Variants in DYM observed in about 807,000 individuals in gnomAD.
The protein encoded by DYM is dymeclin.
Under a neutral mutation model 93.1 loss-of-function variants are expected in DYM, and 78 were observed. The observed-to-expected ratio is 0.84, with a 90% CI of 0.70 to 1.01. The LOEUF (loss-of-function observed/expected upper bound fraction) is 1.01. Ranked by LOEUF, DYM falls within the 50% of genes least tolerant of loss-of-function variation. The pLI is 0.00. For synonymous variants in DYM, 321 were observed against 319.7 expected, an observed-to-expected ratio of 1.00 and a Z score of -0.04; for missense variants, 789 against 845.0, an observed-to-expected ratio of 0.93 and a Z score of 0.82.
At chr18:49,109,685 G>A (rs2081209292) in intron 16 of DYM, among the ~76,000 whole-genome samples, 1 of 152,182 alleles carries the variant, frequency 6.6e-6, no homozygotes, top group Non-Finnish European at 1.5e-5. Context: ...ATGTGACAAG[G>A]GTCAGACAAC....
chr18:49,419,515 T>C (rs143450798), intron 2 of DYM, among the ~76,000 whole-genome samples: 1 of 152,190 alleles, frequency 6.6e-6, no homozygotes, highest in Non-Finnish European at 1.5e-5. Flanking sequence ...TTTTAAGAAG[T>C]TCATCTTTTT....
intron 15 of DYM, among the ~76,000 whole-genome samples, chr18:49,125,234 G>C (rs554784349): frequency 6.6e-6 from 1 of 152,188 alleles, no homozygotes; most frequent in Non-Finnish European, 1.5e-5. Flanking sequence ...ACTCCAGCCT[G>C]GGTGACAGAG....
At chr18:49,197,456 C>G (rs531767661) in intron 14 of DYM, among the ~76,000 whole-genome samples, 1 of 151,856 alleles carries the variant, frequency 6.6e-6, no homozygotes, top group East Asian at 1.9e-4. Flanking sequence ...GTAAAGAAGG[C>G]GGTGAAGTTT....
chr18:49,065,770 T>G (rs1308442429), intron 17 of DYM, among the ~76,000 whole-genome samples: 1 of 152,140 alleles, frequency 6.6e-6, no homozygotes, highest in East Asian at 1.9e-4. Context: ...AGTTCCACAA[T>G]CCAAACATAT....
chr18:49,155,700 A>T (rs1469077374), intron 15 of DYM, among the ~76,000 whole-genome samples: 1 of 152,226 alleles, frequency 6.6e-6, no homozygotes, highest in Admixed American at 6.5e-5. Context: ...CATGATTAAG[A>T]ATGTATCAGC....
intron 13 of DYM, among the ~76,000 whole-genome samples, chr18:49,226,871 T>A (rs923348354): frequency 1.3e-5 from 2 of 152,086 alleles, no homozygotes; most frequent in African/African-American, 4.8e-5. Context: ...CACATGCTCA[T>A]TACAAAAATA....
At chr18:49,236,810 C>T (rs372628838) in intron 13 of DYM, among the ~76,000 whole-genome samples, 1 of 152,166 alleles carries the variant, frequency 6.6e-6, no homozygotes, top group East Asian at 1.9e-4. Flanking sequence ...ACAACATGCA[C>T]GCGAGAGTCA....
At chr18:49,156,425 CT>C (rs971367356) in intron 15 of DYM, among the ~76,000 whole-genome samples, 68 of 151,836 alleles carry the variant, frequency 4.5e-4, no homozygotes, top group African/African-American at 1.3e-3. Context: ...ACGCCCCCCC[CT>C]CAAAAAAAAC....
intron 17 of DYM, among the ~76,000 whole-genome samples, chr18:49,092,431 A>G (rs1044594890): frequency 1.3e-5 from 2 of 152,230 alleles, no homozygotes; most frequent in Admixed American, 1.3e-4. Context: ...TCCTTCTTCC[A>G]GAACTTAACT....
intron 10 of DYM, among the ~76,000 whole-genome samples, chr18:49,278,567 T>C (rs1276201372): frequency 3.9e-5 from 6 of 152,120 alleles, no homozygotes; most frequent in Admixed American, 2.0e-4. Context: ...CCTCCTCCCA[T>C]AGTCATTGGT....
chr18:49,388,870 C>T (rs1490032210), intron 3 of DYM, among the ~76,000 whole-genome samples: 1 of 137,794 alleles, frequency 7.3e-6, no homozygotes, highest in African/African-American at 2.7e-5. Context: ...TCCAGCAAAA[C>T]ATATGCTTCA....
intron 17 of DYM, among the ~76,000 whole-genome samples, chr18:49,079,393 CTTTT>C (rs879799565): frequency 6.9e-5 from 10 of 145,522 alleles, no homozygotes; most frequent in South Asian, 4.4e-4. Flanking sequence ...TGTAGAGATT[CTTTT>C]TTTTTTTTTT....
intron 8 of DYM, among the ~76,000 whole-genome samples, chr18:49,300,968 G>C (rs558919388): frequency 1.3e-5 from 2 of 152,294 alleles, no homozygotes; most frequent in African/African-American, 4.8e-5. Context: ...GAAAGCCTGA[G>C]TTATGGAGCA....
chr18:49,390,807 G>A (rs1243433620), intron 3 of DYM: 1 of 152,310 alleles, frequency 6.6e-6, no homozygotes, highest in African/African-American at 2.4e-5. Context: ...GTCCGGCCTA[G>A]ACAGCCTGAT....
rs377621864 is a variant in DYM at position 49,196,164 on chromosome 18, G to A, written c.1625+13387C>T. Among the ~76,000 whole-genome samples, 17 of 152,134 alleles carry A rather than the reference G, an allele frequency of 1.1e-4. No homozygotes were observed. In the East Asian group the frequency reaches 3.3e-3, roughly 29 times the overall value. ...TGGTCTGGAACTCCTAACCTCAGGT[G>A]ATCCACCCGCCTTGGCCTTCCAAAG... On this transcript the variant is annotated intron_variant, in intron 14 of 17. Transcript: ENST00000675505.
At chr18:49,377,864 C>T (rs2067661140) in intron 5 of DYM, among the ~76,000 whole-genome samples, 1 of 152,184 alleles carries the variant, frequency 6.6e-6, no homozygotes, top group South Asian at 2.1e-4. Flanking sequence ...TCTCAAAGTT[C>T]TCTCCCAATA....
chr18:49,340,427 A>C (rs990718461), intron 6 of DYM, among the ~76,000 whole-genome samples: 2 of 152,240 alleles, frequency 1.3e-5, no homozygotes, highest in Non-Finnish European at 2.9e-5. Context: ...TTGTACCTGA[A>C]CATACATATG....
chr18:49,069,951 G>A (rs2076757710), intron 17 of DYM, among the ~76,000 whole-genome samples: 1 of 152,230 alleles, frequency 6.6e-6, no homozygotes, highest in South Asian at 2.1e-4. Context: ...TGAGGCAGGA[G>A]AATTGCCTGA....
Position 49,130,762 on chromosome 18 carries a change from G to C in DYM, c.1729-11836C>G, listed in dbSNP as rs991644526. Among the ~76,000 whole-genome samples, 10 of 152,204 alleles carry C rather than the reference G, an allele frequency of 6.6e-5. 1 individual carries two copies. The highest frequency in any genetic ancestry group is 2.4e-4 in the African/African-American group (10 of 41,446). On this transcript the variant is annotated intron_variant, in intron 15 of 17. Coordinates refer to ENST00000675505, the MANE Select transcript of DYM (RefSeq NM_001353214.3). Reference sequence around the variant, plus strand: ...GATGCTGGGTTGGAGTGGGGATCCAGACATGTTCCTGCCCTCACACAGGTT... The same window carrying C: ...GATGCTGGGTTGGAGTGGGGATCCACACATGTTCCTGCCCTCACACAGGTT...
Sources: gnomAD v4.1 joint callset for allele counts (sites outside exome capture counted in the v4.1 genomes callset) on GRCh38, gnomAD v4.1.1 for gene constraint, MANE v1.5 for transcripts, NCBI Gene and HGNC (gene_info 2026-07-23, HGNC 2026-07-21) for gene names.